Variants in SEMA3E observed in about 807,000 individuals in gnomAD.
SEMA3E encodes semaphorin 3E, also known as semaphorin-3E.
In SEMA3E, 49 loss-of-function variants were observed where a neutral mutation model predicts 93.6. The ratio of observed to expected loss-of-function variants is 0.52; its 90% CI spans 0.42 to 0.66. The LOEUF (loss-of-function observed/expected upper bound fraction) is 0.66, where lower values mean the gene tolerates loss of function less well. Ranked by LOEUF, SEMA3E falls within the 30% of genes least tolerant of loss-of-function variation. SEMA3E has a pLI of 0.00. For missense variants in SEMA3E, 906 were observed against 964.8 expected, an observed-to-expected ratio of 0.94 and a Z score of 0.81; for synonymous variants, 363 against 330.7, an observed-to-expected ratio of 1.10 and a Z score of -1.06.
intron 1 of SEMA3E, among the ~76,000 whole-genome samples, chr7:83,600,502 T>TG: frequency 1.6e-5 from 2 of 128,898 alleles, no homozygotes. Flanking sequence ...TTTTTTTTTT[T>TG]TTTTTTTTTT....
intron 1 of SEMA3E, among the ~76,000 whole-genome samples, chr7:83,499,276 G>T (rs182498358): frequency 7.9e-4 from 120 of 152,218 alleles, no homozygotes; most frequent in Middle Eastern, 3.4e-3. Flanking sequence ...AAAAGCATTT[G>T]TAATTTTAAC....
In SEMA3E at chr7:83,394,355, GTTTTCAT is replaced by G; in HGVS notation, c.1459-24_1459-18del. On this transcript the variant is annotated intron_variant, in intron 12 of 16. Coordinates refer to ENST00000643230, the MANE Select transcript of SEMA3E (RefSeq NM_012431.3). ...AACTGGATCCTGAAATTTTAAAAAA[GTTTTCAT>G]TTTTAAGAAAACAGTATAAAAACAT... 1.2e-6 allele frequency: 2 copies of G among 1,607,176 alleles called. No homozygotes were observed. The highest frequency in any genetic ancestry group is 1.7e-6 in the Non-Finnish European group (2 of 1,175,460).
chr7:83,533,506 T>C (rs1254060040), intron 1 of SEMA3E, among the ~76,000 whole-genome samples: 1 of 152,082 alleles, frequency 6.6e-6, no homozygotes, highest in East Asian at 1.9e-4. Flanking sequence ...ATTGTGCCAT[T>C]GCACTACGGC....
At chr7:83,407,647 T>A (rs1788355978) in intron 6 of SEMA3E, among the ~76,000 whole-genome samples, 1 of 152,100 alleles carries the variant, frequency 6.6e-6, no homozygotes, top group Non-Finnish European at 1.5e-5. Context: ...AATAAATCTA[T>A]CATAATTTAT....
At chr7:83,631,571 A>G (rs1793786226) in intron 1 of SEMA3E, among the ~76,000 whole-genome samples, 1 of 152,252 alleles carries the variant, frequency 6.6e-6, no homozygotes, top group Non-Finnish European at 1.5e-5. Flanking sequence ...CAAATTAAGC[A>G]AAGACACAAT....
chr7:83,434,703 GTATT>G (rs1374574729), intron 4 of SEMA3E, among the ~76,000 whole-genome samples: 15 of 137,356 alleles, frequency 1.1e-4, no homozygotes, highest in Non-Finnish European at 2.0e-4. Flanking sequence ...ATCCTCAACT[GTATT>G]TCTTTTTTTT....
At chr7:83,544,242 C>A (rs1055486598) in intron 1 of SEMA3E, among the ~76,000 whole-genome samples, 2 of 152,036 alleles carry the variant, frequency 1.3e-5, no homozygotes, top group East Asian at 1.9e-4. Context: ...TTCCTTACTT[C>A]GCCATTTATT....
At chr7:83,516,586 T>C (rs569607587) in intron 1 of SEMA3E, among the ~76,000 whole-genome samples, 2 of 152,176 alleles carry the variant, frequency 1.3e-5, no homozygotes, top group Non-Finnish European at 2.9e-5. Flanking sequence ...GTTAAGTAAC[T>C]GAAGAAATGT....
intron 1 of SEMA3E, among the ~76,000 whole-genome samples, chr7:83,606,286 G>A (rs944739103): frequency 3.9e-5 from 6 of 152,130 alleles, no homozygotes; most frequent in Non-Finnish European, 7.4e-5. Flanking sequence ...TGATTCATTG[G>A]CCTTAATATT....
At position 83,454,959 on chromosome 7, in the gene SEMA3E, T is replaced by C. The variant is rs559552485; in HGVS notation, c.456+11523A>G. 3.3e-5 allele frequency among the ~76,000 whole-genome samples: 5 copies of C among 152,348 alleles called. No individual in the cohort carries two copies. In the East Asian group the frequency reaches 7.7e-4, roughly 24 times the overall value. ...TTTTAAAAACATTATTTGTGTAAAG[T>C]ATCTACATATTTTCAGAGAGATTTG... On this transcript the variant is annotated intron_variant, in intron 4 of 16. Coordinates refer to ENST00000643230, the MANE Select transcript of SEMA3E (RefSeq NM_012431.3).
chr7:83,551,502 T>G (rs1791764205), intron 1 of SEMA3E, among the ~76,000 whole-genome samples: 1 of 152,092 alleles, frequency 6.6e-6, no homozygotes, highest in Admixed American at 6.6e-5. Flanking sequence ...AAGATAGTGA[T>G]ACCCCTTGAA....
At chr7:83,576,860 G>A (rs1792416199) in intron 1 of SEMA3E, among the ~76,000 whole-genome samples, 1 of 152,076 alleles carries the variant, frequency 6.6e-6, no homozygotes. Context: ...ACTCCTGAGT[G>A]ATCCACTTGC....
chr7:83,647,435 G>C (rs141576089), intron 1 of SEMA3E, among the ~76,000 whole-genome samples: 1 of 152,220 alleles, frequency 6.6e-6, no homozygotes, highest in Admixed American at 6.5e-5. Flanking sequence ...GTAATCCTGA[G>C]TATTACATCT....
chr7:83,414,359 T>C (rs1461124690), intron 5 of SEMA3E, among the ~76,000 whole-genome samples: 1 of 36,472 alleles, frequency 2.7e-5, no homozygotes, highest in African/African-American at 5.0e-5. Context: ...AATGTTTTAA[T>C]ATTATTAACA....
chr7:83,408,351 C>G lies in SEMA3E; in HGVS notation c.670+17G>C. On this transcript the variant is annotated intron_variant, in intron 6 of 16. Coordinates refer to ENST00000643230, the MANE Select transcript of SEMA3E (RefSeq NM_012431.3). ...TGATTTCAATCCTAATTCACATACT[C>G]TTTTCCTCATCCTTACCTTTCAACA... is the stretch of plus-strand genomic sequence containing the variant. 1 of 1,613,516 alleles carries G rather than the reference C, an allele frequency of 6.2e-7. No individual in the cohort carries two copies. Among genetic ancestry groups the G allele is most frequent in the South Asian group, 1.1e-5 (1 of 91,060 alleles).
chr7:83,515,170 C>T (rs1790901231), intron 1 of SEMA3E, among the ~76,000 whole-genome samples: 1 of 151,958 alleles, frequency 6.6e-6, no homozygotes, highest in Non-Finnish European at 1.5e-5. Flanking sequence ...CCCAGCGCCC[C>T]TCCTCTCCTC....
chr7:83,379,477 A>G (rs1787736456), intron 16 of SEMA3E, among the ~76,000 whole-genome samples: 1 of 151,982 alleles, frequency 6.6e-6, no homozygotes, highest in African/African-American at 2.4e-5. Context: ...AGCATGGCAT[A>G]TAGTAAGCAC....
intron 1 of SEMA3E, among the ~76,000 whole-genome samples, chr7:83,499,774 C>T (rs1218127906): frequency 6.6e-6 from 1 of 152,114 alleles, no homozygotes; most frequent in Non-Finnish European, 1.5e-5. Flanking sequence ...GAGTAATTAA[C>T]CAATTTAACA....
chr7:83,471,814 A>G (rs1789903069), intron 2 of SEMA3E, among the ~76,000 whole-genome samples: 1 of 152,220 alleles, frequency 6.6e-6, no homozygotes, highest in South Asian at 2.1e-4. Flanking sequence ...CTAAAAAATA[A>G]GGTATTTCTA....
Sources: allele counts gnomAD v4.1 joint callset (sites outside exome capture counted in the v4.1 genomes callset), GRCh38; gene constraint gnomAD v4.1.1; transcripts MANE v1.5; gene names NCBI Gene and HGNC (gene_info 2026-07-23, HGNC 2026-07-21).